The following ATF6 variants were observed in gnomAD, a reference collection of about 807,000 sequenced individuals.
ATF6 encodes activating transcription factor 6.
ATF6 carries 53 observed loss-of-function variants against 83.6 expected under a neutral mutation model. That is an observed-to-expected ratio of 0.63 (90% CI 0.51 to 0.80). The LOEUF (loss-of-function observed/expected upper bound fraction) is 0.80. ATF6 is among the 30% of genes least tolerant of loss of function. ATF6 has a pLI of 0.00. For synonymous variants in ATF6, 288 were observed against 285.8 expected (o/e 1.01, Z -0.08); for missense variants, 744 against 797.9 (o/e 0.93, Z 0.81).
intron 11 of ATF6, among the ~76,000 whole-genome samples, chr1:161,852,116 A>G (rs1005755193): frequency 3.3e-5 from 5 of 152,230 alleles, no homozygotes; most frequent in Admixed American, 2.0e-4. Context: ...ACAGTTGGTA[A>G]CATTCATAGC....
At chr1:161,795,411 G>T (rs1409465437) in intron 6 of ATF6, among the ~76,000 whole-genome samples, 35 of 152,120 alleles carry the variant, frequency 2.3e-4, no homozygotes, top group Admixed American at 2.3e-3. Flanking sequence ...TGAAACTTCA[G>T]TATGTTTCTA....
intron 14 of ATF6, chr1:161,891,506 C>G (rs1687554990): frequency 6.6e-6 from 1 of 152,226 alleles, no homozygotes; most frequent in Admixed American, 6.5e-5. Context: ...TGAAGTACCC[C>G]CAAGTGGAAG....
chr1:161,920,292 C>CTTTTTT (rs1322896918), intron 15 of ATF6, among the ~76,000 whole-genome samples: 3 of 19,800 alleles, frequency 1.5e-4, no homozygotes, highest in African/African-American at 5.4e-4. Context: ...CTCTCTCTCT[C>CTTTTTT]TCTTTTTTTT....
At chr1:161,865,489 A>G (rs1251371226) in intron 14 of ATF6, among the ~76,000 whole-genome samples, 2 of 152,194 alleles carry the variant, frequency 1.3e-5, no homozygotes, top group Non-Finnish European at 2.9e-5. Flanking sequence ...GTATTTTTAT[A>G]AAAGACAGTG....
intron 15 of ATF6, among the ~76,000 whole-genome samples, chr1:161,926,310 T>A (rs1688307561): frequency 6.6e-6 from 1 of 152,170 alleles, no homozygotes; most frequent in South Asian, 2.1e-4. Flanking sequence ...AAACATTATC[T>A]CAGACAGTTT....
intron 15 of ATF6, among the ~76,000 whole-genome samples, chr1:161,938,774 T>A (rs1688586813): frequency 6.6e-6 from 1 of 152,244 alleles, no homozygotes; most frequent in Non-Finnish European, 1.5e-5. Context: ...ATTATCTTTT[T>A]AAAGAGAGAA....
chr1:161,788,599 A>G (rs150309963), intron 4 of ATF6, among the ~76,000 whole-genome samples: 5 of 151,492 alleles, frequency 3.3e-5, no homozygotes, highest in African/African-American at 9.7e-5. Flanking sequence ...TTTATGGCTT[A>G]TTTAAGAAGT....
intron 1 of ATF6, among the ~76,000 whole-genome samples, chr1:161,770,786 C>T (rs1684365864): frequency 1.3e-5 from 2 of 152,170 alleles, no homozygotes; most frequent in Non-Finnish European, 2.9e-5. Flanking sequence ...CTGCTGAAAA[C>T]ATTTGTGTGC....
chr1:161,828,210 G>GTAGAA (rs1685953941), intron 9 of ATF6, among the ~76,000 whole-genome samples: 1 of 151,514 alleles, frequency 6.6e-6, no homozygotes, highest in South Asian at 2.1e-4. Flanking sequence ...TAAGGTTAAG[G>GTAGAA]AACCTTAACC....
intron 3 of ATF6, among the ~76,000 whole-genome samples, chr1:161,782,624 G>A (rs1036488341): frequency 4.6e-5 from 7 of 152,108 alleles, no homozygotes; most frequent in African/African-American, 1.7e-4. Flanking sequence ...ATAGAAAGTG[G>A]ACTTAGTGCT....
chr1:161,948,058 A>C (rs1427983642), intron 15 of ATF6, among the ~76,000 whole-genome samples: 1 of 151,962 alleles, frequency 6.6e-6, no homozygotes, highest in Non-Finnish European at 1.5e-5. Flanking sequence ...TCCTGACCTC[A>C]AGTGATCCAC....
intron 12 of ATF6, among the ~76,000 whole-genome samples, chr1:161,859,994 T>G (rs985702392): frequency 2.6e-5 from 4 of 152,136 alleles, no homozygotes; most frequent in African/African-American, 7.2e-5. Flanking sequence ...GGAAAGTGCC[T>G]TAAATGCCTT....
chr1:161,929,418 A>G (rs967107926), intron 15 of ATF6, among the ~76,000 whole-genome samples: 1 of 152,132 alleles, frequency 6.6e-6, no homozygotes, highest in African/African-American at 2.4e-5. Flanking sequence ...TAGGCCTTCT[A>G]GGGCCACCCT....
intron 4 of ATF6, among the ~76,000 whole-genome samples, chr1:161,790,930 CA>C (rs779254694): frequency 2.0e-5 from 3 of 152,112 alleles, no homozygotes; most frequent in African/African-American, 4.8e-5. Flanking sequence ...GAAAAGAATA[CA>C]AATAAAATTA....
chr1:161,815,741 A>G (rs2101776809), intron 7 of ATF6, among the ~76,000 whole-genome samples: 1 of 152,212 alleles, frequency 6.6e-6, no homozygotes, highest in South Asian at 2.1e-4. Context: ...CCAGGAGTTC[A>G]AGACCAGCCT....
chr1:161,823,490 GC>G (rs1170697727), intron 9 of ATF6, among the ~76,000 whole-genome samples: 4 of 151,960 alleles, frequency 2.6e-5, no homozygotes, highest in African/African-American at 9.7e-5. Flanking sequence ...TTATGCTGTG[GC>G]CAGACTACTC....
At chr1:161,890,783 C>CT (rs1373499658) in intron 14 of ATF6, 1 of 152,764 alleles carries the variant, frequency 6.5e-6, no homozygotes, top group Non-Finnish European at 1.5e-5. Flanking sequence ...TGCTGCACCA[C>CT]TTCCTTTCCA....
intron 14 of ATF6, among the ~76,000 whole-genome samples, chr1:161,905,934 G>T (rs1687869889): frequency 6.6e-6 from 1 of 152,012 alleles, no homozygotes. Flanking sequence ...CCAGGTTCAC[G>T]CCATTCTCCT....
chr1:161,834,212 A>AT (rs1237671056), intron 9 of ATF6, among the ~76,000 whole-genome samples: 1 of 152,164 alleles, frequency 6.6e-6, no homozygotes, highest in African/African-American at 2.4e-5. Context: ...ATGCTGAGAG[A>AT]TTTTGTCACC....
Sources: allele counts gnomAD v4.1 joint callset (sites outside exome capture counted in the v4.1 genomes callset), GRCh38; gene constraint gnomAD v4.1.1; transcripts MANE v1.5; gene names NCBI Gene and HGNC (gene_info 2026-07-23, HGNC 2026-07-21).